CACNA1B: variants seen among roughly 807,000 people sequenced by gnomAD.
CACNA1B encodes the protein calcium voltage-gated channel subunit alpha1 B, also known as voltage-dependent N-type calcium channel subunit alpha-1B.
Under a neutral mutation model 247.2 loss-of-function variants are expected in CACNA1B, and 70 were observed. The ratio of observed to expected loss-of-function variants is 0.28; its 90% CI spans 0.23 to 0.35. CACNA1B has a LOEUF of 0.35. Among genes scored for constraint, CACNA1B ranks in the 10% least tolerant of loss-of-function variants. CACNA1B has a pLI of 1.00. For synonymous variants in CACNA1B, 1,231 were observed against 1,294.4 expected (o/e 0.95, Z 1.05); for missense variants, 2,367 against 3,197.4 (o/e 0.74, Z 6.26).
At chr9:138,095,399 A>G (rs1482233303) in intron 36 of CACNA1B, among the ~76,000 whole-genome samples, 2 of 152,242 alleles carry the variant, frequency 1.3e-5, no homozygotes, top group African/African-American at 4.8e-5. Flanking sequence ...AATCAAAACT[A>G]CAATGAGATA....
chr9:137,951,324 T>C (rs1480070093), intron 6 of CACNA1B, among the ~76,000 whole-genome samples: 1 of 152,208 alleles, frequency 6.6e-6, no homozygotes, highest in Non-Finnish European at 1.5e-5. Flanking sequence ...GGGTGGAGGC[T>C]GCAAATCCGC....
Position 138,069,860 on chromosome 9 carries a change from C to T in CACNA1B, c.4674+97C>T, listed in dbSNP as rs970806577. ...GTTCCTGGGACTCCAGCCCACTGCC[C>T]TCTAGGCGTGTGGTTGGATGCGGCT... On this transcript the variant is annotated intron_variant, in intron 32 of 46. Coordinates refer to ENST00000371372, the MANE Select transcript of CACNA1B (RefSeq NM_000718.4). 48 of 1,072,872 alleles carry T rather than the reference C, an allele frequency of 4.5e-5. No individual in the cohort carries two copies. In the Admixed American group the frequency reaches 7.2e-4, roughly 16 times the overall value. 66.5% of individuals were successfully genotyped at this position (1,072,872 alleles called of 1,614,324 possible). A position where few individuals can be genotyped will look rare whatever the true frequency, so the allele number is the denominator to read the frequency against.
chr9:138,016,525 T>G (rs1306006566), intron 18 of CACNA1B, among the ~76,000 whole-genome samples: 1 of 152,224 alleles, frequency 6.6e-6, no homozygotes, highest in Non-Finnish European at 1.5e-5. Context: ...GCCCTGGGGC[T>G]GGAACCAGAG....
intron 36 of CACNA1B, among the ~76,000 whole-genome samples, chr9:138,079,767 AG>A (rs1960459421): frequency 8.1e-6 from 1 of 123,406 alleles, no homozygotes; most frequent in African/African-American, 3.2e-5. Context: ...AAAAAAAAAG[AG>A]GGAGGCTGAG....
Position 137,882,630 on chromosome 9 carries a change from C to A in CACNA1B, c.391-114C>A, listed in dbSNP as rs1036737457. ...TGGGGGCAAGGTGAGGAGGGTCAGA[C>A]CCTCACGATAGCTGTGGCCTGCACA... is the stretch of plus-strand genomic sequence containing the variant. On this transcript the variant is annotated intron_variant, in intron 2 of 46. Transcript: ENST00000371372. The surrounding 1 kb of genome is among the most constrained non-coding windows in gnomAD (Gnocchi z 4.0). 8.2e-7 allele frequency: 1 copy of A among 1,223,642 alleles called. No homozygotes were observed. Among genetic ancestry groups the A allele is most frequent in the Non-Finnish European group, 1.2e-6 (1 of 856,838 alleles). The allele number at this position is 1,223,642 out of a possible 1,614,324, so 75.8% of individuals were successfully genotyped here.
In CACNA1B at chr9:138,047,008, T is replaced by C. The variant is rs1271067606; in HGVS notation, c.3518T>C (p.Val1173Ala). The C allele has an allele frequency of 4.3e-6, 7 of 1,612,952 alleles. No individual in the cohort carries two copies. The highest frequency in any genetic ancestry group is 5.1e-6 in the Non-Finnish European group (6 of 1,179,372). ...SSIALAAEDP[V>A]RTDSPRNNAL... ...ATCGCCCTGGCTGCTGAGGACCCAG[T>C]GCGCACAGACTCGCCCAGGAACAAC... The change falls in exon 22 of 47, where the codon GTG becomes GCG. Residue 1173 changes from valine to alanine, a missense_variant. By Grantham distance (64) the Val-to-Ala change is moderately conservative. Transcript: ENST00000371372.
chr9:138,105,406 C>G (rs1961386482), intron 38 of CACNA1B, among the ~76,000 whole-genome samples: 1 of 152,210 alleles, frequency 6.6e-6, no homozygotes, highest in Admixed American at 6.5e-5. Flanking sequence ...AGGGGTCCCT[C>G]AGGGTGAGGA....
At chr9:138,099,322 CATAT>C (rs1961167673) in intron 37 of CACNA1B, among the ~76,000 whole-genome samples, 1 of 152,220 alleles carries the variant, frequency 6.6e-6, no homozygotes, top group African/African-American at 2.4e-5. Context: ...TGTGTGTGCA[CATAT>C]GATTGTATAT....
chr9:137,949,318 CGTATGG>C (rs1957849820), intron 6 of CACNA1B, among the ~76,000 whole-genome samples: 1 of 2,704 alleles, frequency 3.7e-4, no homozygotes, highest in East Asian at 0.01. Context: ...GTGTGGTGTA[CGTATGG>C]TGTGCGTGTA....
chr9:137,900,749 GTC>G (rs1481776934), intron 3 of CACNA1B, among the ~76,000 whole-genome samples: 1 of 148,304 alleles, frequency 6.7e-6, no homozygotes, highest in East Asian at 2.0e-4. Flanking sequence ...TGTGCTGTGT[GTC>G]TCTCTGTCCC....
chr9:138,044,737 G>GT (rs1959169293), intron 21 of CACNA1B, among the ~76,000 whole-genome samples: 1 of 152,178 alleles, frequency 6.6e-6, no homozygotes, highest in Non-Finnish European at 1.5e-5. Flanking sequence ...CTGCATGGAC[G>GT]TACCCCTGTT....
chr9:137,993,271 G>T (rs1443413987), intron 15 of CACNA1B, among the ~76,000 whole-genome samples: 1 of 151,696 alleles, frequency 6.6e-6, no homozygotes, highest in Non-Finnish European at 1.5e-5. Context: ...TAAATAAAAA[G>T]ATAAATTTTT....
In CACNA1B at chr9:138,011,993, T is replaced by C. The variant is rs1464985084; in HGVS notation, c.2161-1136T>C. The stretch of plus-strand genomic sequence containing the variant: ...GCCTGTGGTCTCAGCCGAGAACTAT[T>C]GATCCGGAACCCAGGTGCCGAGCAT... On this transcript the variant is annotated intron_variant, in intron 17 of 46. Coordinates refer to ENST00000371372, the MANE Select transcript of CACNA1B (RefSeq NM_000718.4). This position sits in a 1 kb window ranked among gnomAD's most constrained non-coding sequence, Gnocchi z 4.2. Among the ~76,000 whole-genome samples, 1 of 152,158 alleles carries C rather than the reference T, an allele frequency of 6.6e-6. No homozygotes were observed. Among genetic ancestry groups the C allele is most frequent in the African/African-American group, 2.4e-5 (1 of 41,444 alleles).
At position 138,024,448 on chromosome 9, in the gene CACNA1B, C is replaced by T. The variant is rs559807084; in HGVS notation, c.3069-507C>T. 2.0e-4 allele frequency among the ~76,000 whole-genome samples: 30 copies of T among 152,330 alleles called. No homozygotes were observed. In the South Asian group the frequency reaches 6.2e-3, roughly 32 times the overall value. On this transcript the variant is annotated intron_variant, in intron 19 of 46. Coordinates refer to ENST00000371372, the MANE Select transcript of CACNA1B (RefSeq NM_000718.4). ...CCCAGCCCAGGGTCAACCCAGCCGC[C>T]GCCCTGTCTTTGTGTGTGGGTGGGT... is the stretch of plus-strand genomic sequence containing the variant.
intron 35 of CACNA1B, among the ~76,000 whole-genome samples, chr9:138,077,311 A>G (rs967601681): frequency 6.6e-6 from 1 of 151,928 alleles, no homozygotes; most frequent in East Asian, 1.9e-4. Flanking sequence ...CCAGGAACAG[A>G]CTCCGTGCAG....
intron 2 of CACNA1B, among the ~76,000 whole-genome samples, chr9:137,879,701 C>T (rs914400443): frequency 1.3e-5 from 2 of 152,320 alleles, no homozygotes; most frequent in African/African-American, 4.8e-5. Flanking sequence ...CCCCAGATTC[C>T]AGCCAAGAGG....
chr9:138,096,191 G>C (rs1020860509), intron 36 of CACNA1B, among the ~76,000 whole-genome samples: 1 of 152,134 alleles, frequency 6.6e-6, no homozygotes, highest in South Asian at 2.1e-4. Context: ...TTCATGGAAG[G>C]CCAGTCTGAG....
At chr9:138,026,746 T>A (rs1042272583) in intron 20 of CACNA1B, among the ~76,000 whole-genome samples, 1 of 152,224 alleles carries the variant, frequency 6.6e-6, no homozygotes, top group African/African-American at 2.4e-5. Context: ...ATGTTCAGGT[T>A]TTTGTGTGGA....
intron 3 of CACNA1B, among the ~76,000 whole-genome samples, chr9:137,898,041 T>C (rs1957192148): frequency 6.6e-6 from 1 of 152,234 alleles, no homozygotes; most frequent in African/African-American, 2.4e-5. Flanking sequence ...TTTATTCACC[T>C]GAGAATGACC....
Sources: gnomAD v4.1 joint callset for allele counts (sites outside exome capture counted in the v4.1 genomes callset) on GRCh38, gnomAD v4.1.1 for gene constraint, Gnocchi (gnomAD v3.1) non-coding constraint, MANE v1.5 for transcripts, NCBI Gene and HGNC (gene_info 2026-07-23, HGNC 2026-07-21) for gene names.